The following QRFPR variants were observed in gnomAD, a reference collection of about 807,000 sequenced individuals.
QRFPR encodes the protein pyroglutamylated RF-amide peptide receptor.
A neutral mutation model predicts 31.3 loss-of-function variants in QRFPR; 37 were observed. The observed-to-expected ratio is 1.18, with a 90% CI of 0.91 to 1.56. The LOEUF (loss-of-function observed/expected upper bound fraction) is 1.56. Ranked by LOEUF, QRFPR falls within the 40% of genes most tolerant of loss-of-function variation. The probability of loss-of-function intolerance (pLI) is 0.00; values close to 1 mark genes in which losing one functional copy is unlikely to be tolerated. For synonymous variants in QRFPR, 197 were observed against 192.0 expected (o/e 1.03, Z -0.22); for missense variants, 542 against 532.5 (o/e 1.02, Z -0.18).
chr4:121,361,050 A>G (rs1248579197), intron 1 of QRFPR, among the ~76,000 whole-genome samples: 1 of 152,226 alleles, frequency 6.6e-6, no homozygotes, highest in Non-Finnish European at 1.5e-5. Context: ...TGCTATGAAA[A>G]TCTATTCAGA....
chr4:121,336,908 A>T (rs4490481), intron 2 of QRFPR, 40 bp from the exon 3 acceptor site: 2 of 1,555,730 alleles, frequency 1.3e-6, no homozygotes, highest in Admixed American at 3.3e-5. Flanking sequence ...GACTCAGTTG[A>T]GTAAAACACA....
chr4:121,337,697 T>C (rs1275867059), intron 2 of QRFPR, among the ~76,000 whole-genome samples: 1 of 152,020 alleles, frequency 6.6e-6, no homozygotes, highest in African/African-American at 2.4e-5. Flanking sequence ...GTTGTGCACA[T>C]GTACCCTAAA....
intron 1 of QRFPR, among the ~76,000 whole-genome samples, chr4:121,345,497 A>T (rs1384718799): frequency 2.0e-5 from 3 of 152,204 alleles, no homozygotes; most frequent in Non-Finnish European, 4.4e-5. Context: ...TAGGTTTTTT[A>T]AAAATGTAGT....
At chr4:121,349,032 G>T (rs1031834892) in intron 1 of QRFPR, among the ~76,000 whole-genome samples, 1 of 152,132 alleles carries the variant, frequency 6.6e-6, no homozygotes, top group East Asian at 1.9e-4. Context: ...GGGAGGCAGA[G>T]GTTGCAGTGA....
chr4:121,340,734 T>C, intron 1 of QRFPR, 124 bp from the exon 2 acceptor site: 1 of 817,608 alleles, frequency 1.2e-6, no homozygotes. Flanking sequence ...ATAATTGTAA[T>C]TACTCTGTAG....
At chr4:121,359,453 G>A (rs1308099810) in intron 1 of QRFPR, among the ~76,000 whole-genome samples, 2 of 151,994 alleles carry the variant, frequency 1.3e-5, no homozygotes, top group African/African-American at 2.4e-5. Context: ...AGGCGAGACT[G>A]GCCCAGTCTC....
At chr4:121,338,443 G>A (rs1323409940) in intron 2 of QRFPR, among the ~76,000 whole-genome samples, 1 of 152,194 alleles carries the variant, frequency 6.6e-6, no homozygotes, top group African/African-American at 2.4e-5. Flanking sequence ...ATGTGGCCTA[G>A]GAAGGCTTCG....
chr4:121,347,283 C>T (rs1725672167), intron 1 of QRFPR, among the ~76,000 whole-genome samples: 1 of 152,064 alleles, frequency 6.6e-6, no homozygotes, highest in South Asian at 2.1e-4. Flanking sequence ...AGAATAGGTG[C>T]CTGCCTATTT....
chr4:121,345,581 G>C (rs772874987), intron 1 of QRFPR, among the ~76,000 whole-genome samples: 2 of 152,162 alleles, frequency 1.3e-5, no homozygotes, highest in Non-Finnish European at 2.9e-5. Context: ...TACTACTATA[G>C]TTTGCCTCCA....
chr4:121,363,873 A>G (rs1432799179), intron 1 of QRFPR, among the ~76,000 whole-genome samples: 2 of 150,146 alleles, frequency 1.3e-5, no homozygotes, highest in East Asian at 4.0e-4. Flanking sequence ...GGATAGTTGC[A>G]TGAATAAGAC....
intron 1 of QRFPR, among the ~76,000 whole-genome samples, chr4:121,362,382 T>C (rs1726011464): frequency 6.7e-6 from 1 of 150,018 alleles, no homozygotes; most frequent in African/African-American, 2.5e-5. Flanking sequence ...AGACAATGTA[T>C]GCAGCTGCTT....
At chr4:121,375,687 T>C (rs984566356) in intron 1 of QRFPR, among the ~76,000 whole-genome samples, 2 of 152,190 alleles carry the variant, frequency 1.3e-5, no homozygotes, top group Admixed American at 1.3e-4. Flanking sequence ...GACTATAGCC[T>C]CTATGCAGAA....
At chr4:121,335,921 G>A (rs1725426135) in intron 3 of QRFPR, among the ~76,000 whole-genome samples, 1 of 152,048 alleles carries the variant, frequency 6.6e-6, no homozygotes, top group Admixed American at 6.5e-5. Flanking sequence ...CAGGTAGCAA[G>A]GGATAAAATA....
chr4:121,336,916 A>C, intron 2 of QRFPR, 48 bp from the exon 3 acceptor site: 1 of 1,468,658 alleles, frequency 6.8e-7, no homozygotes, highest in Non-Finnish European at 9.5e-7. Context: ...TGAGTAAAAC[A>C]CATCCATGCA....
At chr4:121,362,310 T>G (rs1232219607) in intron 1 of QRFPR, among the ~76,000 whole-genome samples, 1 of 149,432 alleles carries the variant, frequency 6.7e-6, no homozygotes, top group African/African-American at 2.5e-5. Context: ...CTCTTTCTTT[T>G]TTAAAAGCAT....
At chr4:121,334,765 G>C (rs933345387) in intron 3 of QRFPR, 7 of 235,242 alleles carry the variant, frequency 3.0e-5, no homozygotes, top group South Asian at 9.6e-5. Context: ...ACTCATGAGA[G>C]AGACCCCAGT....
chr4:121,380,230 AGAG>A, intron 1 of QRFPR, 75 bp downstream of exon 1: 1 of 994,904 alleles, frequency 1.0e-6, no homozygotes, highest in East Asian at 2.5e-5. Context: ...AGAGAGAGAG[AGAG>A]AGAGAGAGAG....
At chr4:121,369,855 C>G in intron 1 of QRFPR, 5 of 880,202 alleles carry the variant, frequency 5.7e-6, no homozygotes, top group Non-Finnish European at 9.7e-6. Context: ...GGCCTCTCTT[C>G]TTTTGTTATC....
chr4:121,345,917 G>A (rs1436333078), intron 1 of QRFPR, among the ~76,000 whole-genome samples: 1 of 152,044 alleles, frequency 6.6e-6, no homozygotes, highest in Non-Finnish European at 1.5e-5. Flanking sequence ...GTGTAACAGG[G>A]ACTTTTAAAA....
Sources: gnomAD v4.1 joint callset for allele counts (sites outside exome capture counted in the v4.1 genomes callset) on GRCh38, gnomAD v4.1.1 for gene constraint, MANE v1.5 for transcripts, NCBI Gene and HGNC (gene_info 2026-07-23, HGNC 2026-07-21) for gene names.